KLHL15: variants seen among roughly 807,000 people sequenced by gnomAD.
KLHL15 encodes kelch like family member 15.
A neutral mutation model predicts 29.3 loss-of-function variants in KLHL15; 1 was observed. That is an observed-to-expected ratio of 0.03 (90% CI 0.01 to 0.16). The LOEUF is 0.16. Ranked by LOEUF, KLHL15 falls within the 10% of genes least tolerant of loss-of-function variation. The pLI, the probability that KLHL15 is intolerant of heterozygous loss-of-function variation, is 1.00. For synonymous variants in KLHL15, 212 were observed against 184.5 expected (o/e 1.15, Z -1.21); for missense variants, 215 against 478.5 (o/e 0.45, Z 5.14).
intron 3 of KLHL15, among the ~76,000 whole-genome samples, chrX:24,002,901 T>C (rs993882586): frequency 9.7e-5 from 11 of 113,036 alleles, no homozygotes; most frequent in Non-Finnish European, 1.9e-4. Context: ...GTGCTGGGAT[T>C]ATAGGCGTAA....
chrX:24,015,806 C>T (rs1929665659), intron 2 of KLHL15, among the ~76,000 whole-genome samples: 1 of 111,382 alleles, frequency 9.0e-6, no homozygotes, highest in African/African-American at 3.3e-5. Flanking sequence ...CCAGACCAGC[C>T]TGGCCAATGT....
intron 3 of KLHL15, among the ~76,000 whole-genome samples, chrX:24,001,607 C>T (rs932491389): frequency 9.6e-5 from 10 of 104,667 alleles, no homozygotes; most frequent in Non-Finnish European, 1.9e-4. Context: ...AGTTTGAGAC[C>T]AGCCTGGCCA....
rs769665629 is a variant in KLHL15 at position 24,003,645 on chromosome X, ATATGTG to A, written c.705+2338_705+2343del. On this transcript the variant is annotated intron_variant, in intron 3 of 3. Transcript: ENST00000328046. ...ACTTAGTACATGACCTAGCATAAAT[ATATGTG>A]TGTGTGTGTGTGTGTGTGTGTGTGT... Among the ~76,000 whole-genome samples the A allele has an allele frequency of 9.8e-3, 783 of 80,226 alleles. 11 individuals are homozygous for A. Among genetic ancestry groups the A allele is most frequent in the African/African-American group, 0.041 (753 of 18,166 alleles). 69.7% of individuals were successfully genotyped at this position (80,226 alleles called of 115,157 possible). A position where few individuals can be genotyped will look rare whatever the true frequency, so the allele number is the denominator to read the frequency against.
Position 24,014,023 on chromosome X carries a change from C to T in KLHL15, c.-7-7323G>A, listed in dbSNP as rs760040776. Among the ~76,000 whole-genome samples the T allele has an allele frequency of 3.9e-4, 42 of 107,987 alleles. No individual in the cohort carries two copies. The South Asian group carries it at 6.5e-3, about 17-fold the overall frequency. The allele number at this position is 107,987 out of a possible 115,157, so 93.8% of individuals were successfully genotyped here. A position where few individuals can be genotyped will look rare whatever the true frequency, so the allele number is the denominator to read the frequency against. On this transcript the variant is annotated intron_variant, in intron 2 of 3. Coordinates refer to ENST00000328046, the MANE Select transcript of KLHL15 (RefSeq NM_030624.3). ...TGGCTTGTGCCTGTAATCCAAGCAA[C>T]TCAGGAGGCTGAGGCAGAAGGAGCA...
chrX:24,018,190 G>A (rs1279737518), intron 2 of KLHL15, among the ~76,000 whole-genome samples: 1 of 111,723 alleles, frequency 9.0e-6, no homozygotes, highest in African/African-American at 3.3e-5. Flanking sequence ...AGACAGCCGC[G>A]GCAGCAGTAG....
intron 2 of KLHL15, among the ~76,000 whole-genome samples, chrX:24,020,847 A>G (rs1168860890): frequency 1.8e-5 from 2 of 112,042 alleles, no homozygotes; most frequent in Non-Finnish European, 3.8e-5. Context: ...TCAGTTCCTC[A>G]TAAGAATTAT....
At chrX:23,995,280 G>T (rs912268295) in intron 3 of KLHL15, among the ~76,000 whole-genome samples, 1 of 109,525 alleles carries the variant, frequency 9.1e-6, no homozygotes, top group African/African-American at 3.3e-5. Context: ...GTTGGTGTGC[G>T]CCTGTAGTCC....
At chrX:24,021,786 C>A (rs538921914) in intron 2 of KLHL15, among the ~76,000 whole-genome samples, 4 of 109,592 alleles carry the variant, frequency 3.6e-5, no homozygotes, top group African/African-American at 1.3e-4. Context: ...CACTGTTCTA[C>A]AATGCCTCAC....
chrX:24,005,608 AAATTT>A (rs765876392), intron 3 of KLHL15, among the ~76,000 whole-genome samples: 2 of 112,102 alleles, frequency 1.8e-5, no homozygotes, highest in Non-Finnish European at 3.8e-5. Flanking sequence ...TGTATTACTT[AAATTT>A]ATTTTTAAAA....
chrX:23,993,516 A>G (rs975233709), intron 3 of KLHL15, among the ~76,000 whole-genome samples: 2 of 111,331 alleles, frequency 1.8e-5, no homozygotes, highest in African/African-American at 3.3e-5. Flanking sequence ...AATCATAAAG[A>G]AAAGAGAAAC....
At chrX:23,989,745 A>G (rs184069802) in intron 3 of KLHL15, among the ~76,000 whole-genome samples, 255 of 111,470 alleles carry the variant, frequency 2.3e-3, no homozygotes, top group Non-Finnish European at 4.1e-3. Flanking sequence ...ACTTGGTCTG[A>G]TAACTCCTGT....
At chrX:23,990,774 C>G (rs765497405) in intron 3 of KLHL15, among the ~76,000 whole-genome samples, 9 of 110,418 alleles carry the variant, frequency 8.2e-5, no homozygotes, top group African/African-American at 1.3e-4. Context: ...TTCCTCCCCC[C>G]CCTTCCTTCT....
At chrX:24,023,561 A>C (rs1307268137) in intron 2 of KLHL15, among the ~76,000 whole-genome samples, 1 of 112,430 alleles carries the variant, frequency 8.9e-6, no homozygotes, top group Non-Finnish European at 1.9e-5. Context: ...CATTTAAGCC[A>C]AACCATACTA....
At chrX:24,018,512 G>A (rs1211395031) in intron 2 of KLHL15, among the ~76,000 whole-genome samples, 1 of 109,215 alleles carries the variant, frequency 9.2e-6, no homozygotes, top group Non-Finnish European at 1.9e-5. Context: ...AAGAAATACT[G>A]AAGAACGTGT....
chrX:24,023,024 C>T (rs1929845530), intron 2 of KLHL15, among the ~76,000 whole-genome samples: 1 of 111,718 alleles, frequency 9.0e-6, no homozygotes, highest in African/African-American at 3.3e-5. Flanking sequence ...CCTGAGCCAC[C>T]GCTCCCGGCT....
chrX:24,015,618 G>A (rs964265069), intron 2 of KLHL15, among the ~76,000 whole-genome samples: 2 of 112,675 alleles, frequency 1.8e-5, no homozygotes, highest in African/African-American at 6.4e-5. Flanking sequence ...TAGGTCTGGC[G>A]TCAGATGCCT....
At chrX:23,990,763 C>T (rs1929065733) in intron 3 of KLHL15, among the ~76,000 whole-genome samples, 1 of 110,344 alleles carries the variant, frequency 9.1e-6, no homozygotes, top group Admixed American at 9.7e-5. Context: ...TATTTATGAG[C>T]TTCCTCCCCC....
In KLHL15 at chrX:24,020,466, T is replaced by C. The variant is rs965166328; in HGVS notation, c.-8+4391A>G. Among the ~76,000 whole-genome samples the C allele has an allele frequency of 6.3e-5, 7 of 111,821 alleles. No individual in the cohort carries two copies. The East Asian group carries it at 1.7e-3, about 27-fold the overall frequency. On this transcript the variant is annotated intron_variant, in intron 2 of 3. Coordinates refer to ENST00000328046, the MANE Select transcript of KLHL15 (RefSeq NM_030624.3). ...AATATTTTTATAACTCAGGACCAAA[T>C]TGCAAATGACCATTTAACTAAGCTA...
At chrX:24,003,797 A>G (rs972664419) in intron 3 of KLHL15, among the ~76,000 whole-genome samples, 4 of 106,256 alleles carry the variant, frequency 3.8e-5, no homozygotes, top group African/African-American at 6.9e-5. Context: ...ACAAAAATTA[A>G]GACAATCTGG....
Sources: gnomAD v4.1 joint callset for allele counts (sites outside exome capture counted in the v4.1 genomes callset) on GRCh38, gnomAD v4.1.1 for gene constraint, MANE v1.5 for transcripts, NCBI Gene and HGNC (gene_info 2026-07-23, HGNC 2026-07-21) for gene names.